Variants in HMBOX1 observed in about 807,000 individuals in gnomAD.
HMBOX1 encodes the protein homeobox-containing protein 1.
HMBOX1 carries 14 observed loss-of-function variants against 54.5 expected under a neutral mutation model. That is an observed-to-expected ratio of 0.26 (90% CI 0.17 to 0.40). The LOEUF (loss-of-function observed/expected upper bound fraction) is 0.40. Among genes scored for constraint, HMBOX1 ranks in the 10% least tolerant of loss-of-function variants. The probability of loss-of-function intolerance (pLI) is 1.00; values close to 1 mark genes in which losing one functional copy is unlikely to be tolerated. For synonymous variants in HMBOX1, 160 were observed against 181.0 expected (o/e 0.88, Z 0.93); for missense variants, 332 against 514.4 (o/e 0.65, Z 3.43).
intron 1 of HMBOX1, among the ~76,000 whole-genome samples, chr8:28,899,368 T>TCCTA (rs1812774074): frequency 6.6e-6 from 1 of 152,216 alleles, no homozygotes; most frequent in African/African-American, 2.4e-5. Context: ...CATTAAGATC[T>TCCTA]AGAGACATCT....
chr8:28,951,219 A>C lies in HMBOX1; in HGVS notation c.-57-12592A>C, dbSNP rs535276606. On this transcript the variant is annotated intron_variant, in intron 1 of 9. Transcript: ENST00000287701. ...ACGTTCTCAGCTCACTGCACCCTCC[A>C]CCTCCTGGGTTCAAGCGATTCTCCT... 7.2e-5 allele frequency among the ~76,000 whole-genome samples: 11 copies of C among 152,234 alleles called. No individual in the cohort carries two copies. The East Asian group carries it at 2.1e-3, about 29-fold the overall frequency.
chr8:29,008,084 T>C (rs1833721817), intron 4 of HMBOX1, among the ~76,000 whole-genome samples: 1 of 152,210 alleles, frequency 6.6e-6, no homozygotes, highest in Non-Finnish European at 1.5e-5. Context: ...TTCAGTAATA[T>C]TCGGTTACCC....
In HMBOX1 at chr8:28,970,580, G is replaced by A; in HGVS notation, c.500+61G>A. 1 of 1,066,234 alleles carries A rather than the reference G, an allele frequency of 9.4e-7. No homozygotes were observed. Among genetic ancestry groups the A allele is most frequent in the Non-Finnish European group, 1.4e-6 (1 of 735,164 alleles). 66.0% of individuals were successfully genotyped at this position (1,066,234 alleles called of 1,614,324 possible). The stretch of plus-strand genomic sequence containing the variant: ...GTCTGTATTCTTAGATTGTTTTTAA[G>A]TAGTATGCTGCGTTTCAGCTACTTA... On this transcript the variant is annotated intron_variant, in intron 3 of 9. Coordinates refer to ENST00000287701, the MANE Select transcript of HMBOX1 (RefSeq NM_001135726.3). This position sits in a 1 kb window ranked among gnomAD's most constrained non-coding sequence, Gnocchi z 4.3.
At chr8:29,001,554 A>G (rs1371516767) in intron 4 of HMBOX1, among the ~76,000 whole-genome samples, 4 of 3,096 alleles carry the variant, frequency 1.3e-3, no homozygotes, top group African/African-American at 3.1e-3. Context: ...CATCTCAAAC[A>G]AAACAAAACA....
chr8:28,978,978 T>G (rs1239257415), intron 3 of HMBOX1, among the ~76,000 whole-genome samples: 3 of 152,186 alleles, frequency 2.0e-5, no homozygotes, highest in Non-Finnish European at 2.9e-5. Flanking sequence ...TAGTATGTGT[T>G]TATCGTTAGC....
chr8:28,975,224 T>C (rs558303464), intron 3 of HMBOX1, among the ~76,000 whole-genome samples: 4 of 152,318 alleles, frequency 2.6e-5, no homozygotes, highest in African/African-American at 9.6e-5. Flanking sequence ...CTAAGGACTT[T>C]ACAGGGTAGT....
intron 6 of HMBOX1, among the ~76,000 whole-genome samples, chr8:29,032,858 A>G (rs188683100): frequency 2.0e-5 from 3 of 152,290 alleles, no homozygotes; most frequent in Admixed American, 2.0e-4. Context: ...AAGGTGGGAG[A>G]TACGGTAGTG....
rs1227809969 is a variant in HMBOX1, at chr8:29,051,911, A to AC, written c.*756_*757insC. On this transcript the variant is annotated 3_prime_UTR_variant, in exon 10 of 10. Coordinates refer to ENST00000287701, the MANE Select transcript of HMBOX1 (RefSeq NM_001135726.3). ...ACCAAAAGTCATTAAAAAAAAAAAA[A>AC]AAAAAAACCCAGCTTGAGAGCATTG... is the stretch of plus-strand genomic sequence containing the variant. The AC allele has an allele frequency of 2.3e-5, 5 of 216,550 alleles. No homozygotes were observed. Among genetic ancestry groups the AC allele is most frequent in the East Asian group, 2.1e-4 (3 of 13,962 alleles). 13.4% of individuals were successfully genotyped at this position (216,550 alleles called of 1,614,324 possible).
At chr8:28,896,955 A>G (rs1306968712) in intron 1 of HMBOX1, among the ~76,000 whole-genome samples, 1 of 149,152 alleles carries the variant, frequency 6.7e-6, no homozygotes, top group Admixed American at 6.7e-5. Flanking sequence ...TTTTTTTGTT[A>G]TGAGAATCTG....
At chr8:28,969,515 T>TTA (rs1462014828) in intron 2 of HMBOX1, among the ~76,000 whole-genome samples, 1 of 147,108 alleles carries the variant, frequency 6.8e-6, no homozygotes, top group African/African-American at 2.4e-5. Flanking sequence ...TTGCTGGTTA[T>TTA]TAGCATTTGC....
At chr8:28,939,963 C>CT (rs985014868) in intron 1 of HMBOX1, among the ~76,000 whole-genome samples, 2 of 152,058 alleles carry the variant, frequency 1.3e-5, no homozygotes, top group African/African-American at 2.4e-5. Flanking sequence ...CCCTTTGCTT[C>CT]TTTGTCTATA....
intron 5 of HMBOX1, among the ~76,000 whole-genome samples, chr8:29,015,923 TG>T (rs1563586028): frequency 6.6e-6 from 1 of 152,198 alleles, no homozygotes; most frequent in Admixed American, 6.5e-5. Flanking sequence ...AAATAGGCAG[TG>T]GGTATAATTT....
intron 1 of HMBOX1, among the ~76,000 whole-genome samples, chr8:28,923,940 G>T (rs958216298): frequency 4.6e-5 from 7 of 151,818 alleles, no homozygotes; most frequent in African/African-American, 1.7e-4. Flanking sequence ...TAAACCCTTT[G>T]CCCATTTTTT....
intron 1 of HMBOX1, among the ~76,000 whole-genome samples, chr8:28,929,391 T>G (rs1263725942): frequency 2.0e-5 from 3 of 152,192 alleles, no homozygotes; most frequent in Non-Finnish European, 4.4e-5. Flanking sequence ...GAATAAAGAC[T>G]GATCAAATAA....
chr8:29,003,574 A>ATATATATATATATATATATATATATT (rs1832992423), intron 4 of HMBOX1, among the ~76,000 whole-genome samples: 8 of 139,722 alleles, frequency 5.7e-5, no homozygotes, highest in Admixed American at 5.1e-4. Flanking sequence ...ATATATATAT[A>ATATATATATATATATATATATATATT]TATGAATGCA....
In HMBOX1 at chr8:28,974,384, A is replaced by C. The variant is rs961184453; in HGVS notation, c.500+3865A>C. ...TATATGTGTAGGGGTATGTGTGTAT[A>C]CATATCTGCTAATATAGCATATAGA... On this transcript the variant is annotated intron_variant, in intron 3 of 9. Transcript: ENST00000287701. Among the ~76,000 whole-genome samples the C allele has an allele frequency of 2.0e-5, 3 of 152,184 alleles. No individual in the cohort carries two copies. In the East Asian group the frequency reaches 5.8e-4, roughly 29 times the overall value.
chr8:29,047,317 C>T, intron 7 of HMBOX1, 41 bp from the exon 8 acceptor site: 1 of 1,146,954 alleles, frequency 8.7e-7, no homozygotes, highest in Non-Finnish European at 1.3e-6. Flanking sequence ...TTCTTGGATC[C>T]CAGATATAGA....
chr8:29,039,518 G>C (rs1804502423), intron 6 of HMBOX1, among the ~76,000 whole-genome samples: 1 of 152,056 alleles, frequency 6.6e-6, no homozygotes, highest in African/African-American at 2.4e-5. Context: ...TGAAACCACT[G>C]TTTTCTGTTA....
intron 4 of HMBOX1, among the ~76,000 whole-genome samples, chr8:28,994,380 G>C (rs1831472785): frequency 6.6e-6 from 1 of 151,912 alleles, no homozygotes; most frequent in Admixed American, 6.6e-5. Context: ...AAATCTGTAA[G>C]GAAATAATGT....
Sources: gnomAD v4.1 joint callset for allele counts (sites outside exome capture counted in the v4.1 genomes callset) on GRCh38, gnomAD v4.1.1 for gene constraint, Gnocchi (gnomAD v3.1) non-coding constraint, MANE v1.5 for transcripts, NCBI Gene and HGNC (gene_info 2026-07-23, HGNC 2026-07-21) for gene names.